The following CCNY variants were observed in gnomAD, a reference collection of about 807,000 sequenced individuals.
The protein encoded by CCNY is cyclin-Y.
Under a neutral mutation model 42.8 loss-of-function variants are expected in CCNY, and 19 were observed. The observed-to-expected ratio is 0.44, with a 90% CI of 0.31 to 0.65. The LOEUF (loss-of-function observed/expected upper bound fraction) is 0.65, where lower values mean the gene tolerates loss of function less well. Among genes scored for constraint, CCNY ranks in the 30% least tolerant of loss-of-function variants. The probability of loss-of-function intolerance (pLI) is 0.07; values close to 1 mark genes in which losing one functional copy is unlikely to be tolerated. For missense variants in CCNY, 370 were observed against 437.3 expected (o/e 0.85, Z 1.37); for synonymous variants, 165 against 162.7 (o/e 1.01, Z -0.11).
At chr10:35,432,447 C>A (rs1169632706) in intron 1 of CCNY, among the ~76,000 whole-genome samples, 1 of 152,210 alleles carries the variant, frequency 6.6e-6, no homozygotes, top group Non-Finnish European at 1.5e-5. Flanking sequence ...TTGACTGAAA[C>A]TTTGAACTTT....
At chr10:35,431,150 T>G (rs1166729037) in intron 1 of CCNY, among the ~76,000 whole-genome samples, 1 of 152,090 alleles carries the variant, frequency 6.6e-6, no homozygotes, top group Non-Finnish European at 1.5e-5. Flanking sequence ...ACATTAATCT[T>G]TGGTCATAAA....
At chr10:35,343,207 T>C (rs1836223722) in intron 1 of CCNY, among the ~76,000 whole-genome samples, 1 of 151,926 alleles carries the variant, frequency 6.6e-6, no homozygotes, top group African/African-American at 2.4e-5. Flanking sequence ...TTTCACCATG[T>C]TGGCCAGGCT....
intron 1 of CCNY, chr10:35,449,831 G>A (rs1238891585): frequency 2.0e-6 from 2 of 984,256 alleles, no homozygotes; most frequent in Non-Finnish European, 2.4e-6. Context: ...GAGTGCCAGG[G>A]AGTGTTGGAG....
At chr10:35,307,802 A>G (rs11010165) in intron 3 of CCNY, among the ~76,000 whole-genome samples, 4,656 of 32,714 alleles carry the variant, frequency 0.14, 81 homozygotes, top group South Asian at 0.21. Context: ...GTGTGTGTGT[A>G]TATATATATA....
intron 1 of CCNY, among the ~76,000 whole-genome samples, chr10:35,357,479 G>A (rs963436103): frequency 2.6e-5 from 4 of 152,116 alleles, no homozygotes; most frequent in African/African-American, 9.7e-5. Flanking sequence ...CTAGACCTTG[G>A]CATTTTTAAA....
intron 1 of CCNY, among the ~76,000 whole-genome samples, chr10:35,464,695 G>C (rs1228683941): frequency 2.0e-5 from 3 of 152,060 alleles, no homozygotes; most frequent in African/African-American, 7.2e-5. Flanking sequence ...AAAAGCCTCT[G>C]ACTTGTCTGC....
At chr10:35,434,460 A>G (rs16936030) in intron 1 of CCNY, among the ~76,000 whole-genome samples, 2,297 of 152,340 alleles carry the variant, frequency 0.015, 45 homozygotes, top group East Asian at 0.056. Context: ...TTTTGGGACT[A>G]ATACTACACA....
At chr10:35,285,807 T>A (rs929060346) in intron 3 of CCNY, among the ~76,000 whole-genome samples, 1 of 62,652 alleles carries the variant, frequency 1.6e-5, no homozygotes, top group Non-Finnish European at 3.4e-5. Context: ...TGGATTTAGG[T>A]GTTTTTGTTT....
intron 3 of CCNY, among the ~76,000 whole-genome samples, chr10:35,292,775 G>GTT (rs1835428320): frequency 4.3e-5 from 5 of 116,336 alleles, no homozygotes; most frequent in Non-Finnish European, 9.2e-5. Flanking sequence ...AGAGTGCTTT[G>GTT]TTTTTGTTTT....
intron 4 of CCNY, 113 bp downstream of exon 4, chr10:35,516,736 T>C (rs1205832994): frequency 1.2e-5 from 8 of 669,844 alleles, no homozygotes; most frequent in Non-Finnish European, 1.9e-5. Context: ...GCTAAGCTGG[T>C]TGGTTGTGGG....
chr10:35,534,908 T>C (rs1164559696), intron 7 of CCNY, among the ~76,000 whole-genome samples: 2 of 151,556 alleles, frequency 1.3e-5, no homozygotes, highest in Non-Finnish European at 2.9e-5. Context: ...GCATGTATAG[T>C]ATGTCCTTTT....
rs1383507950 is a variant in CCNY at position 35,370,173 on chromosome 10, A to C, written c.154+32966A>C. Among the ~76,000 whole-genome samples the C allele has an allele frequency of 2.7e-5, 4 of 149,234 alleles. No homozygotes were observed. In the East Asian group the frequency reaches 7.8e-4, roughly 29 times the overall value. ...ATCCATGTTTTTTTTTTTTTTTGAG[A>C]CGGAGTCTCACATTGTTGCCCAGGC... On this transcript the variant is annotated intron_variant, in intron 1 of 9. Coordinates refer to ENST00000374704, the MANE Select transcript of CCNY (RefSeq NM_145012.6).
Position 35,558,014 on chromosome 10 carries a change from TA to T in CCNY, c.746+4833del, listed in dbSNP as rs572920710. Among the ~76,000 whole-genome samples the T allele has an allele frequency of 5.6e-4, 85 of 152,320 alleles. 2 individuals carry two copies. In the South Asian group the frequency reaches 0.017, roughly 31 times the overall value. ...TATTATAGTAGTGTCACTCAAGTCT[TA>T]AAACAGTTTTTGAATTATATGCTAA... On this transcript the variant is annotated intron_variant, in intron 8 of 9. Transcript: ENST00000374704.
At chr10:35,486,722 A>T (rs1348289950) in intron 2 of CCNY, among the ~76,000 whole-genome samples, 2 of 152,136 alleles carry the variant, frequency 1.3e-5, no homozygotes, top group Non-Finnish European at 2.9e-5. Context: ...TTCCCAGCCA[A>T]CTTCCTCTCT....
chr10:35,365,078 A>T (rs1239746453), intron 1 of CCNY, among the ~76,000 whole-genome samples: 2 of 152,224 alleles, frequency 1.3e-5, no homozygotes, highest in Non-Finnish European at 1.5e-5. Flanking sequence ...CAAGTGAAAG[A>T]TTTCTATAAC....
At chr10:35,339,826 T>A (rs765316770) in intron 1 of CCNY, among the ~76,000 whole-genome samples, 17 of 152,232 alleles carry the variant, frequency 1.1e-4, no homozygotes, top group Non-Finnish European at 1.9e-4. Context: ...ACTTAATGTG[T>A]CTTTTTGCTC....
At chr10:35,511,884 C>G (rs1564440766) in intron 3 of CCNY, among the ~76,000 whole-genome samples, 1 of 152,210 alleles carries the variant, frequency 6.6e-6, no homozygotes, top group African/African-American at 2.4e-5. Flanking sequence ...TGTCTCTCCC[C>G]AGTGGAGAAC....
intron 1 of CCNY, among the ~76,000 whole-genome samples, chr10:35,408,944 G>GT (rs1837843492): frequency 6.7e-6 from 1 of 149,060 alleles, no homozygotes; most frequent in South Asian, 2.1e-4. Context: ...CTCAATTCTT[G>GT]TTTTTGTTTT....
chr10:35,383,262 C>T (rs1416536376), intron 1 of CCNY, among the ~76,000 whole-genome samples: 1 of 151,826 alleles, frequency 6.6e-6, no homozygotes, highest in African/African-American at 2.4e-5. Context: ...GCGTATGAAA[C>T]TTAGTAAAGT....
Sources: allele counts gnomAD v4.1 joint callset (sites outside exome capture counted in the v4.1 genomes callset), GRCh38; gene constraint gnomAD v4.1.1; transcripts MANE v1.5; gene names NCBI Gene and HGNC (gene_info 2026-07-23, HGNC 2026-07-21).